Variants in RAB18 observed in about 807,000 individuals in gnomAD.
RAB18 encodes RAB18, member RAS oncogene family.
A neutral mutation model predicts 28.5 loss-of-function variants in RAB18; 10 were observed. That is an observed-to-expected ratio of 0.35 (90% CI 0.22 to 0.60). The LOEUF (loss-of-function observed/expected upper bound fraction) is 0.60, where lower values mean the gene tolerates loss of function less well. Among genes scored for constraint, RAB18 ranks in the 20% least tolerant of loss-of-function variants. The probability of loss-of-function intolerance (pLI) is 0.78; values close to 1 mark genes in which losing one functional copy is unlikely to be tolerated. For synonymous variants in RAB18, 93 were observed against 86.9 expected, an observed-to-expected ratio of 1.07 and a Z score of -0.39; for missense variants, 188 against 244.2, an observed-to-expected ratio of 0.77 and a Z score of 1.53.
At chr10:27,518,140 G>A (rs961437993) in intron 2 of RAB18, among the ~76,000 whole-genome samples, 4 of 152,080 alleles carry the variant, frequency 2.6e-5, no homozygotes, top group Non-Finnish European at 5.9e-5. Context: ...TTCATCAATT[G>A]TGAGACATTT....
At chr10:27,525,427 C>CTTTT (rs10655072) in intron 2 of RAB18, among the ~76,000 whole-genome samples, 1 of 146,034 alleles carries the variant, frequency 6.8e-6, no homozygotes, top group Non-Finnish European at 1.5e-5. Flanking sequence ...TTGTGCTTTG[C>CTTTT]TTTTTTTTTT....
intron 3 of RAB18, chr10:27,531,654 T>C (rs1420408740): frequency 4.0e-6 from 3 of 741,040 alleles, no homozygotes; most frequent in Non-Finnish European, 7.4e-6. Context: ...TAAAACTTTA[T>C]TTAATAAAAC....
At chr10:27,524,374 GTGCTTCTGC>G (rs1834631391) in intron 2 of RAB18, among the ~76,000 whole-genome samples, 2 of 152,274 alleles carry the variant, frequency 1.3e-5, no homozygotes, top group Non-Finnish European at 2.9e-5. Context: ...AACAAGATGT[GTGCTTCTGC>G]TTCCATTAAT....
intron 2 of RAB18, 196 bp downstream of exon 2, chr10:27,510,126 C>T: frequency 3.3e-6 from 2 of 603,930 alleles, no homozygotes; most frequent in South Asian, 2.0e-5. Context: ...GAGAAAATAA[C>T]TTCCTTATCT....
rs886046975 is a variant in RAB18, at chr10:27,540,994, A to T, written c.*2943A>T. On this transcript the variant is annotated 3_prime_UTR_variant, in exon 7 of 7. Coordinates refer to ENST00000356940, the MANE Select transcript of RAB18 (RefSeq NM_021252.5). ...AGTGTCTTTAAGTACAACTTAATAC[A>T]TATTTTTTCTGTGTATTTTTTTCAA... 4.4e-6 allele frequency: 2 copies of T among 453,238 alleles called. No individual in the cohort carries two copies. The highest frequency in any genetic ancestry group is 4.4e-6 in the Non-Finnish European group (1 of 226,514). 28.1% of individuals were successfully genotyped at this position (453,238 alleles called of 1,614,324 possible).
Position 27,539,578 on chromosome 10 carries a change from C to T in RAB18, c.*1527C>T. 1 of 434,076 alleles carries T rather than the reference C, an allele frequency of 2.3e-6. No individual in the cohort carries two copies. Among genetic ancestry groups the T allele is most frequent in the African/African-American group, 2.0e-5 (1 of 49,006 alleles). 26.9% of individuals were successfully genotyped at this position (434,076 alleles called of 1,614,324 possible). A position where few individuals can be genotyped will look rare whatever the true frequency, so the allele number is the denominator to read the frequency against. On this transcript the variant is annotated 3_prime_UTR_variant, in exon 7 of 7. Transcript: ENST00000356940. ...GAAATTTGGAGAAAGAACACTAACA[C>T]ATGTACTTGTGATTTGTTCATGTTA... is the stretch of plus-strand genomic sequence containing the variant.
At chr10:27,528,168 T>C in intron 3 of RAB18, 1 of 389,746 alleles carries the variant, frequency 2.6e-6, no homozygotes, top group Non-Finnish European at 5.0e-6. Context: ...TAGAGTAGTA[T>C]CTGAGACTTG....
At chr10:27,517,482 A>G (rs527659804) in intron 2 of RAB18, among the ~76,000 whole-genome samples, 1 of 152,364 alleles carries the variant, frequency 6.6e-6, no homozygotes, top group East Asian at 1.9e-4. Flanking sequence ...TAACAAAATC[A>G]GCAAATCTTT....
intron 2 of RAB18, among the ~76,000 whole-genome samples, chr10:27,516,994 A>G (rs1403803256): frequency 6.6e-6 from 1 of 152,210 alleles, no homozygotes; most frequent in Non-Finnish European, 1.5e-5. Flanking sequence ...AAATTAACTA[A>G]GCAGCTATAA....
intron 2 of RAB18, among the ~76,000 whole-genome samples, chr10:27,522,870 T>A (rs1009317384): frequency 1.3e-5 from 2 of 152,136 alleles, no homozygotes; most frequent in African/African-American, 4.8e-5. Context: ...ATTTTTTTCA[T>A]CCTTTGTAAT....
At chr10:27,516,417 G>T (rs1011574630) in intron 2 of RAB18, among the ~76,000 whole-genome samples, 4 of 152,022 alleles carry the variant, frequency 2.6e-5, no homozygotes, top group Non-Finnish European at 4.4e-5. Context: ...AATTAGCCAG[G>T]CGTGGTGGCA....
In RAB18 at chr10:27,533,919, A is replaced by C; in HGVS notation, c.379-9A>C. ...GTAGCCTTTCTTAATCATTGCATTT[A>C]TATTTTAGGAAAATCGTGAAGTCGA... is the stretch of plus-strand genomic sequence containing the variant. On this transcript the variant is annotated splice_polypyrimidine_tract_variant and intron_variant, in intron 5 of 6. Transcript: ENST00000356940. The C allele has an allele frequency of 6.2e-7, 1 of 1,610,140 alleles. No individual in the cohort carries two copies. The highest frequency in any genetic ancestry group is 8.5e-7 in the Non-Finnish European group (1 of 1,176,452).
intron 3 of RAB18, among the ~76,000 whole-genome samples, chr10:27,528,576 T>C (rs1043258174): frequency 6.6e-6 from 1 of 152,106 alleles, no homozygotes; most frequent in Non-Finnish European, 1.5e-5. Context: ...CCCCCACTCA[T>C]AGTATGTGCT....
chr10:27,532,802 AAC>A (rs1834814388), intron 4 of RAB18, among the ~76,000 whole-genome samples: 1 of 152,102 alleles, frequency 6.6e-6, no homozygotes, highest in African/African-American at 2.4e-5. Flanking sequence ...TTGGTTTGAA[AAC>A]ACATGTCAAT....
chr10:27,516,156 G>A (rs957163887), intron 2 of RAB18, among the ~76,000 whole-genome samples: 2 of 152,042 alleles, frequency 1.3e-5, no homozygotes, highest in Non-Finnish European at 2.9e-5. Context: ...TGTTAAAGAT[G>A]TTCTCTAAGA....
intron 2 of RAB18, among the ~76,000 whole-genome samples, chr10:27,523,350 T>G (rs1834605168): frequency 6.6e-6 from 1 of 150,566 alleles, no homozygotes; most frequent in African/African-American, 2.4e-5. Flanking sequence ...ATTTGAAATT[T>G]TTCAGCCATT....
At chr10:27,514,561 A>C (rs1054637605) in intron 2 of RAB18, among the ~76,000 whole-genome samples, 6 of 152,194 alleles carry the variant, frequency 3.9e-5, no homozygotes, top group African/African-American at 1.4e-4. Context: ...GAAATGGAAA[A>C]AGGTAGAATT....
In RAB18 at chr10:27,540,821, G is replaced by C. The variant is rs1471252352; in HGVS notation, c.*2770G>C. 9 of 453,950 alleles carry C rather than the reference G, an allele frequency of 2.0e-5. No individual in the cohort carries two copies. Among genetic ancestry groups the C allele is most frequent in the South Asian group, 1.4e-4 (9 of 64,482 alleles). 28.1% of individuals were successfully genotyped at this position (453,950 alleles called of 1,614,324 possible). A position where few individuals can be genotyped will look rare whatever the true frequency, so the allele number is the denominator to read the frequency against. ...ATTCTAGCTGAGTGTTGTGGAAATA[G>C]ACTTGATTTTGATTCATCGTAGCTT... is the stretch of plus-strand genomic sequence containing the variant. On this transcript the variant is annotated 3_prime_UTR_variant, in exon 7 of 7. Transcript: ENST00000356940.
chr10:27,523,536 G>A lies in RAB18; in HGVS notation c.125-3292G>A, dbSNP rs76443154. On this transcript the variant is annotated intron_variant, in intron 2 of 6. Transcript: ENST00000356940. The stretch of plus-strand genomic sequence containing the variant: ...TTGCTGTGTCATCACATTCACTGAT[G>A]TTTTCTTCTGCAGCGCCTAATTTGC... Among the ~76,000 whole-genome samples the A allele has an allele frequency of 6.1e-3, 913 of 148,698 alleles. 6 individuals are homozygous for A. The highest frequency in any genetic ancestry group is 1.0e-2 in the Non-Finnish European group (672 of 67,290).
Sources: gnomAD v4.1 joint callset for allele counts (sites outside exome capture counted in the v4.1 genomes callset) on GRCh38, gnomAD v4.1.1 for gene constraint, MANE v1.5 for transcripts, NCBI Gene and HGNC (gene_info 2026-07-23, HGNC 2026-07-21) for gene names.